Variants in DNAJB6 observed in about 807,000 individuals in gnomAD.
DNAJB6 encodes dnaJ homolog subfamily B member 6.
Under a neutral mutation model 42.7 loss-of-function variants are expected in DNAJB6, and 16 were observed. The ratio of observed to expected loss-of-function variants is 0.37; its 90% CI spans 0.25 to 0.57. The LOEUF is 0.57. Ranked by LOEUF, DNAJB6 falls within the 20% of genes least tolerant of loss-of-function variation. The probability of loss-of-function intolerance (pLI) is 0.74; values close to 1 mark genes in which losing one functional copy is unlikely to be tolerated. For synonymous variants in DNAJB6, 170 were observed against 163.5 expected (o/e 1.04, Z -0.30); for missense variants, 347 against 416.8 (o/e 0.83, Z 1.46).
At chr7:157,375,936 G>A (rs1281692458) in intron 5 of DNAJB6, among the ~76,000 whole-genome samples, 3 of 152,140 alleles carry the variant, frequency 2.0e-5, no homozygotes, top group African/African-American at 4.8e-5. Flanking sequence ...TTGTTTTGCT[G>A]TCATTTTTTT....
Position 157,404,446 on chromosome 7 carries a change from C to T in DNAJB6, c.692-5349C>T, listed in dbSNP as rs146657139. On this transcript the variant is annotated intron_variant, in intron 8 of 9. Coordinates refer to ENST00000262177, the MANE Select transcript of DNAJB6 (RefSeq NM_058246.4). ...GGCTGGGACTGTAGGCGTGCAACAG[C>T]GCACTGGGCTAATTTTTGTCTTTTT... Among the ~76,000 whole-genome samples the T allele has an allele frequency of 7.2e-4, 105 of 146,588 alleles. 4 individuals are homozygous for T. In the East Asian group the frequency reaches 0.018, roughly 25 times the overall value.
chr7:157,363,108 C>A, intron 2 of DNAJB6, 53 bp from the exon 3 acceptor site: 1 of 1,286,164 alleles, frequency 7.8e-7, no homozygotes, highest in Non-Finnish European at 1.1e-6. Flanking sequence ...GTTTCAAAAG[C>A]ATAGTTGATT....
chr7:157,390,440 C>T (rs935765650), intron 8 of DNAJB6, among the ~76,000 whole-genome samples: 4 of 152,208 alleles, frequency 2.6e-5, no homozygotes, highest in African/African-American at 4.8e-5. Context: ...CCCATTCCCC[C>T]GCCTGGTCCT....
intron 3 of DNAJB6, among the ~76,000 whole-genome samples, chr7:157,365,611 A>G (rs1311523931): frequency 6.6e-6 from 1 of 152,274 alleles, no homozygotes; most frequent in African/African-American, 2.4e-5. Flanking sequence ...TTAATGTAGC[A>G]TGTCTGGGCT....
chr7:157,361,156 T>C (rs927882799), intron 2 of DNAJB6, among the ~76,000 whole-genome samples: 1 of 143,312 alleles, frequency 7.0e-6, no homozygotes, highest in African/African-American at 2.6e-5. Context: ...GATCCACTGC[T>C]ACACGTTTTT....
intron 8 of DNAJB6, among the ~76,000 whole-genome samples, chr7:157,408,872 C>T (rs1795865798): frequency 6.6e-6 from 1 of 152,360 alleles, no homozygotes; most frequent in Non-Finnish European, 1.5e-5. Context: ...CGGGAGGGGT[C>T]TGCCTTGCTT....
chr7:157,348,492 C>CT (rs1433263771), intron 1 of DNAJB6, among the ~76,000 whole-genome samples: 1 of 152,164 alleles, frequency 6.6e-6, no homozygotes, highest in Non-Finnish European at 1.5e-5. Flanking sequence ...GTGAAGTTTT[C>CT]TTGCCTTGGA....
chr7:157,405,833 C>A (rs891466935), intron 8 of DNAJB6, among the ~76,000 whole-genome samples: 1 of 152,254 alleles, frequency 6.6e-6, no homozygotes, highest in African/African-American at 2.4e-5. Context: ...TGCAGCCGGT[C>A]TGTCCATCCT....
chr7:157,395,361 C>A (rs1034290336), intron 8 of DNAJB6, among the ~76,000 whole-genome samples: 2 of 152,206 alleles, frequency 1.3e-5, no homozygotes, highest in African/African-American at 4.8e-5. Context: ...TCTAGTTCTG[C>A]TTTTGTCTGT....
intron 5 of DNAJB6, among the ~76,000 whole-genome samples, chr7:157,371,828 C>T (rs1317855049): frequency 1.3e-5 from 2 of 152,158 alleles, no homozygotes; most frequent in Non-Finnish European, 2.9e-5. Flanking sequence ...CCTTTTGATC[C>T]CATTAGTCAC....
intron 6 of DNAJB6, among the ~76,000 whole-genome samples, chr7:157,384,000 T>C (rs979650690): frequency 6.6e-6 from 1 of 152,226 alleles, no homozygotes; most frequent in Non-Finnish European, 1.5e-5. Context: ...GGTTCACATA[T>C]TTCTTCAGGA....
intron 8 of DNAJB6, among the ~76,000 whole-genome samples, chr7:157,399,904 G>C (rs550091060): frequency 6.6e-6 from 1 of 152,248 alleles, no homozygotes; most frequent in Non-Finnish European, 1.5e-5. Context: ...CCTGACCTCA[G>C]GTGATCTGCC....
intron 8 of DNAJB6, among the ~76,000 whole-genome samples, chr7:157,390,752 CAG>C (rs1801301666): frequency 6.6e-6 from 1 of 152,216 alleles, no homozygotes; most frequent in Admixed American, 6.5e-5. Context: ...TGCCCAAGGA[CAG>C]GGTCTAATTG....
intron 5 of DNAJB6, among the ~76,000 whole-genome samples, chr7:157,375,577 A>G (rs1800429625): frequency 6.6e-6 from 1 of 152,252 alleles, no homozygotes; most frequent in Non-Finnish European, 1.5e-5. Context: ...GCCAGGCACT[A>G]TTCTAGGTGC....
chr7:157,386,042 C>T, intron 8 of DNAJB6: 2 of 988,198 alleles, frequency 2.0e-6, no homozygotes, highest in Non-Finnish European at 2.4e-6. Context: ...CAGGACGATT[C>T]TTCTACAGAA....
chr7:157,362,753 G>C (rs1799666242), intron 2 of DNAJB6, among the ~76,000 whole-genome samples: 1 of 152,142 alleles, frequency 6.6e-6, no homozygotes, highest in Non-Finnish European at 1.5e-5. Context: ...TCTATCTCTA[G>C]AGGTTCGTTT....
At chr7:157,377,153 C>T (rs555302955) in intron 5 of DNAJB6, among the ~76,000 whole-genome samples, 5 of 152,282 alleles carry the variant, frequency 3.3e-5, no homozygotes, top group African/African-American at 9.6e-5. Context: ...ATGTGCTAGA[C>T]TTTCAGTTAA....
intron 5 of DNAJB6, among the ~76,000 whole-genome samples, chr7:157,372,718 C>G (rs112786953): frequency 0.019 from 2,818 of 152,174 alleles, 103 homozygotes; most frequent in African/African-American, 0.064. Flanking sequence ...GAGTTTGATC[C>G]GTACCACAAA....
intron 1 of DNAJB6, among the ~76,000 whole-genome samples, chr7:157,353,125 G>A (rs570915412): frequency 1.0e-4 from 15 of 149,548 alleles, no homozygotes; most frequent in African/African-American, 2.9e-4. Flanking sequence ...ACAGGGTTTC[G>A]CCGTGTTGCC....
Sources: gnomAD v4.1 joint callset for allele counts (sites outside exome capture counted in the v4.1 genomes callset) on GRCh38, gnomAD v4.1.1 for gene constraint, MANE v1.5 for transcripts, NCBI Gene and HGNC (gene_info 2026-07-23, HGNC 2026-07-21) for gene names.